Variants in ZNF704 observed in about 807,000 individuals in gnomAD.
ZNF704 encodes glucocorticoid induced gene 1.
Under a neutral mutation model 44.7 loss-of-function variants are expected in ZNF704, and 10 were observed. That is an observed-to-expected ratio of 0.22 (90% confidence interval 0.14 to 0.38). The LOEUF (loss-of-function observed/expected upper bound fraction) is 0.38, where lower values mean the gene tolerates loss of function less well. Among genes scored for constraint, ZNF704 ranks in the 10% least tolerant of loss-of-function variants. The pLI is 1.00. For synonymous variants in ZNF704, 211 were observed against 207.6 expected (o/e 1.02, Z -0.14); for missense variants, 390 against 545.5 (o/e 0.71, Z 2.84).
At chr8:80,819,407 C>T (rs572671477) in intron 2 of ZNF704, among the ~76,000 whole-genome samples, 8 of 152,192 alleles carry the variant, frequency 5.3e-5, no homozygotes, top group African/African-American at 1.9e-4. Flanking sequence ...TTAAAACAAC[C>T]TATGGCAATT....
At chr8:80,780,891 T>G (rs150827318) in intron 2 of ZNF704, among the ~76,000 whole-genome samples, 45 of 152,252 alleles carry the variant, frequency 3.0e-4, no homozygotes, top group African/African-American at 1.1e-3. Flanking sequence ...TCATAATCTG[T>G]TACAGCAGCC....
At chr8:80,723,736 C>T (rs6992620) in intron 2 of ZNF704, among the ~76,000 whole-genome samples, 26,459 of 152,002 alleles carry the variant, frequency 0.17, 4,688 homozygotes, top group African/African-American at 0.46. Context: ...CTTTAAAATG[C>T]GAGAGGGTAC....
At chr8:80,736,949 A>G (rs1207992548) in intron 2 of ZNF704, among the ~76,000 whole-genome samples, 1 of 152,024 alleles carries the variant, frequency 6.6e-6, no homozygotes, top group Non-Finnish European at 1.5e-5. Flanking sequence ...TTTTTTTTAA[A>G]AAGCTCATCA....
At position 80,821,608 on chromosome 8, in the gene ZNF704, C is replaced by T; in HGVS notation, c.-14G>A. ...TGTGAAGGTCATTTCCCGCTTAATG[C>T]TCCCCACCTGTGAAATGAAACACAG... On this transcript the variant is annotated 5_prime_UTR_variant, in exon 2 of 9. Coordinates refer to ENST00000327835, the MANE Select transcript of ZNF704 (RefSeq NM_001033723.3). The T allele has an allele frequency of 6.2e-7, 1 of 1,610,790 alleles. No homozygotes were observed. Among genetic ancestry groups the T allele is most frequent in the Non-Finnish European group, 8.5e-7 (1 of 1,177,802 alleles).
Position 80,652,457 on chromosome 8 carries a change from T to C in ZNF704, c.1032+7128A>G, listed in dbSNP as rs1391021988. ...AAGAAGAAAAGAGAGAAGAATCAAATAGACGCAACAAAAAATGATAAAGGG... is the reference window on the plus strand; with the variant it reads ...AAGAAGAAAAGAGAGAAGAATCAAACAGACGCAACAAAAAATGATAAAGGG... On this transcript the variant is annotated intron_variant, in intron 7 of 8. Transcript: ENST00000327835. Among the ~76,000 whole-genome samples the C allele has an allele frequency of 2.6e-5, 4 of 151,504 alleles. No individual in the cohort carries two copies. In the South Asian group the frequency reaches 8.3e-4, roughly 32 times the overall value.
intron 2 of ZNF704, among the ~76,000 whole-genome samples, chr8:80,699,936 C>T (rs1169868307): frequency 6.6e-6 from 1 of 152,162 alleles, no homozygotes. Flanking sequence ...TTGTAGGTCA[C>T]TCCTCCTTTC....
chr8:80,636,705 C>G lies in ZNF704; in HGVS notation c.*4661G>C, dbSNP rs1817667410. 1 of 152,162 alleles carries G rather than the reference C, an allele frequency of 6.6e-6. No homozygotes were observed. Among genetic ancestry groups the G allele is most frequent in the African/African-American group, 2.4e-5 (1 of 41,424 alleles). 9.4% of individuals were successfully genotyped at this position (152,162 alleles called of 1,614,324 possible). On this transcript the variant is annotated 3_prime_UTR_variant, in exon 9 of 9. Coordinates refer to ENST00000327835, the MANE Select transcript of ZNF704 (RefSeq NM_001033723.3). Reference sequence around the variant, plus strand: ...GGCATTCTCCAAAATGATTCACATTCTCATTCATATTCATGAATCCTGCTC... The same window carrying G: ...GGCATTCTCCAAAATGATTCACATTGTCATTCATATTCATGAATCCTGCTC...
At chr8:80,853,852 G>A (rs1808913639) in intron 1 of ZNF704, among the ~76,000 whole-genome samples, 4 of 152,196 alleles carry the variant, frequency 2.6e-5, no homozygotes. Context: ...GAAGGGCAAT[G>A]CTGATGGCCT....
At chr8:80,812,948 T>C (rs561321431) in intron 2 of ZNF704, among the ~76,000 whole-genome samples, 2 of 152,336 alleles carry the variant, frequency 1.3e-5, no homozygotes. Context: ...TTTCTATTTC[T>C]TGATTATTTA....
chr8:80,743,191 CAAAAAA>C (rs59886049), intron 2 of ZNF704, among the ~76,000 whole-genome samples: 8 of 35,832 alleles, frequency 2.2e-4, no homozygotes, highest in African/African-American at 7.1e-4. Context: ...CTTGCAACTG[CAAAAAA>C]AAAAAAAAAA....
intron 4 of ZNF704, among the ~76,000 whole-genome samples, chr8:80,683,879 A>G (rs73271052): frequency 0.11 from 16,877 of 152,218 alleles, 3,153 homozygotes; most frequent in African/African-American, 0.38. Flanking sequence ...GGAGTGAGCC[A>G]TCTCTGTGTG....
At position 80,850,402 on chromosome 8, in the gene ZNF704, A is replaced by C. The variant is rs182353521; in HGVS notation, c.-22+24169T>G. Among the ~76,000 whole-genome samples the C allele has an allele frequency of 1.8e-3, 277 of 152,160 alleles. 1 individual carries two copies. Among genetic ancestry groups the C allele is most frequent in the African/African-American group, 6.0e-3 (250 of 41,530 alleles). ...GATAAAAAGTACTTAATTTCCCCCCAAAAAAACTTCCATATAAAAGTGAAA... is the reference window on the plus strand; with the variant it reads ...GATAAAAAGTACTTAATTTCCCCCCCAAAAAACTTCCATATAAAAGTGAAA... On this transcript the variant is annotated intron_variant, in intron 1 of 8. Transcript: ENST00000327835.
At chr8:80,849,346 T>C (rs977413365) in intron 1 of ZNF704, among the ~76,000 whole-genome samples, 5 of 152,206 alleles carry the variant, frequency 3.3e-5, no homozygotes, top group Admixed American at 2.0e-4. Flanking sequence ...GGGAAATGGA[T>C]GGCTAATGAT....
At chr8:80,774,107 G>A (rs1189755862) in intron 2 of ZNF704, among the ~76,000 whole-genome samples, 1 of 151,332 alleles carries the variant, frequency 6.6e-6, no homozygotes, top group Non-Finnish European at 1.5e-5. Context: ...CCAAGCTGGA[G>A]TGCCGTGGTG....
chr8:80,697,399 C>T (rs1818743539), intron 2 of ZNF704, among the ~76,000 whole-genome samples: 1 of 152,180 alleles, frequency 6.6e-6, no homozygotes, highest in Admixed American at 6.5e-5. Context: ...CTCATTTCAA[C>T]CTCAAAGTAT....
At chr8:80,828,044 A>G (rs1808408816) in intron 1 of ZNF704, among the ~76,000 whole-genome samples, 1 of 152,224 alleles carries the variant, frequency 6.6e-6, no homozygotes, top group African/African-American at 2.4e-5. Context: ...ACCAAAAGCA[A>G]GAAAATTTTG....
chr8:80,803,530 C>T (rs185538598), intron 2 of ZNF704, among the ~76,000 whole-genome samples: 79 of 152,226 alleles, frequency 5.2e-4, no homozygotes, highest in African/African-American at 1.9e-3. Context: ...AATAAGACTG[C>T]ACACCTACAA....
intron 1 of ZNF704, among the ~76,000 whole-genome samples, chr8:80,831,576 A>G (rs1808473765): frequency 6.6e-6 from 1 of 152,246 alleles, no homozygotes; most frequent in African/African-American, 2.4e-5. Context: ...GTTCAATGAT[A>G]GAAGACAGCC....
intron 4 of ZNF704, among the ~76,000 whole-genome samples, chr8:80,683,966 T>C (rs1486864686): frequency 1.3e-5 from 2 of 152,212 alleles, no homozygotes; most frequent in Non-Finnish European, 2.9e-5. Context: ...TAGTCAGATA[T>C]AGGCAATGCT....
Sources: gnomAD v4.1 joint callset for allele counts (sites outside exome capture counted in the v4.1 genomes callset) on GRCh38, gnomAD v4.1.1 for gene constraint, MANE v1.5 for transcripts, NCBI Gene and HGNC (gene_info 2026-07-23, HGNC 2026-07-21) for gene names.